UTS2: variants seen among roughly 807,000 people sequenced by gnomAD.
UTS2 encodes the protein urotensin 2.
A neutral mutation model predicts 12.6 loss-of-function variants in UTS2; 10 were observed. The observed-to-expected ratio is 0.80, with a 90% confidence interval of 0.49 to 1.35. The LOEUF (loss-of-function observed/expected upper bound fraction) is 1.35. UTS2 is among the 40% of genes most tolerant of loss of function. UTS2 has a pLI of 0.00. For missense variants in UTS2, 142 were observed against 143.2 expected (o/e 0.99, Z 0.04); for synonymous variants, 52 against 50.0 (o/e 1.04, Z -0.17).
chr1:7,854,854 C>CAAT (rs140765929), upstream of UTS2, among the ~76,000 whole-genome samples: 126 of 151,512 alleles, frequency 8.3e-4, no homozygotes, highest in Admixed American at 1.8e-3. Flanking sequence ...AAACTAATAA[C>CAAT]AATAATAATA....
At chr1:7,871,273 A>G in the UTS2 span, among the ~76,000 whole-genome samples, 1 of 152,222 alleles carries the variant, frequency 6.6e-6, no homozygotes, top group Non-Finnish European at 1.5e-5. Flanking sequence ...ACACAAGGCC[A>G]GCCGTGAGGG....
chr1:7,878,753 C>G, the UTS2 span, among the ~76,000 whole-genome samples: 1 of 151,876 alleles, frequency 6.6e-6, no homozygotes, highest in African/African-American at 2.4e-5. Flanking sequence ...AAAAATGATC[C>G]AACTGCATGA....
chr1:7,868,924 T>C, the UTS2 span, among the ~76,000 whole-genome samples: 1 of 152,130 alleles, frequency 6.6e-6, no homozygotes, highest in Non-Finnish European at 1.5e-5. Context: ...CTCTGCCTTG[T>C]GAGGACACAG....
At chr1:7,849,936 G>A (rs1285978868) in intron 2 of UTS2, among the ~76,000 whole-genome samples, 2 of 150,430 alleles carry the variant, frequency 1.3e-5, no homozygotes, top group Non-Finnish European at 3.0e-5. Context: ...ATGAACTCCT[G>A]TCTATTAAAC....
intron 3 of UTS2, among the ~76,000 whole-genome samples, chr1:7,848,663 G>T (rs183472764): frequency 1.6e-4 from 24 of 152,018 alleles, no homozygotes; most frequent in African/African-American, 5.8e-4. Context: ...GGGATTACAG[G>T]TGCATGCCAC....
chr1:7,897,934 T>A, the UTS2 span, among the ~76,000 whole-genome samples: 1 of 152,160 alleles, frequency 6.6e-6, no homozygotes, highest in African/African-American at 2.4e-5. Flanking sequence ...TGGTAGAGCA[T>A]TCCTAGGTAC....
the UTS2 span, among the ~76,000 whole-genome samples, chr1:7,911,774 G>A: frequency 2.6e-3 from 402 of 152,086 alleles, 4 homozygotes; most frequent in African/African-American, 9.3e-3. Flanking sequence ...GGTGGCAGGT[G>A]CCTGTAATCC....
the UTS2 span, among the ~76,000 whole-genome samples, chr1:7,893,903 G>C: frequency 6.6e-6 from 1 of 152,176 alleles, no homozygotes; most frequent in Non-Finnish European, 1.5e-5. Flanking sequence ...TGCCACAATT[G>C]GGAAATGATA....
chr1:7,873,187 T>C, the UTS2 span, among the ~76,000 whole-genome samples: 1 of 152,212 alleles, frequency 6.6e-6, no homozygotes, highest in Non-Finnish European at 1.5e-5. Flanking sequence ...ACAGTGCACA[T>C]GGTCACTCAA....
upstream of UTS2, among the ~76,000 whole-genome samples, chr1:7,856,877 A>G (rs1638320072): frequency 1.3e-5 from 2 of 152,120 alleles, no homozygotes; most frequent in African/African-American, 4.8e-5. Context: ...CCTGGCCAAT[A>G]TGGTGAAACC....
chr1:7,849,681 AGT>A lies in UTS2; in HGVS notation c.215_216del (p.Asp72ValfsTer7). ...AERGDILRKADSSTNIFNPRG... is the reference protein window; with the variant it reads ...AERGDILRKAXSSTNIFNPRG... Reference sequence around the variant, plus strand: ...CTTGGGTTAAAAATGTTGGTACTTGAGTCTGAAAAACAGTTTTGAAGCCAGTT... The same window carrying A: ...CTTGGGTTAAAAATGTTGGTACTTGACTGAAAAACAGTTTTGAAGCCAGTT... On this transcript the variant is annotated frameshift_variant and splice_region_variant, in exon 3 of 4. Transcript: ENST00000361696. LOFTEE classifies it low-confidence loss of function (END_TRUNC). 6.2e-7 allele frequency: 1 copy of A among 1,609,366 alleles called. No homozygotes were observed. Among genetic ancestry groups the A allele is most frequent in the East Asian group, 2.2e-5 (1 of 44,636 alleles).
chr1:7,888,016 C>A, the UTS2 span, among the ~76,000 whole-genome samples: 2 of 152,078 alleles, frequency 1.3e-5, no homozygotes, highest in African/African-American at 4.8e-5. Flanking sequence ...CTGGCTCTTG[C>A]CTAAGTGGTC....
the UTS2 span, among the ~76,000 whole-genome samples, chr1:7,887,461 T>A: frequency 6.6e-6 from 1 of 151,902 alleles, no homozygotes; most frequent in Non-Finnish European, 1.5e-5. Flanking sequence ...ATGAATGTAA[T>A]CACACATAAC....
At chr1:7,848,936 G>C (rs1007665492) in intron 3 of UTS2, among the ~76,000 whole-genome samples, 3 of 152,122 alleles carry the variant, frequency 2.0e-5, no homozygotes, top group Admixed American at 6.6e-5. Flanking sequence ...TTAAGATGCA[G>C]ATTTTGCTTC....
intron 3 of UTS2, among the ~76,000 whole-genome samples, chr1:7,848,598 G>A (rs1451476887): frequency 6.6e-6 from 1 of 151,814 alleles, no homozygotes; most frequent in Non-Finnish European, 1.5e-5. Context: ...TCCTCTCACT[G>A]CAACCCCCGC....
the UTS2 span, among the ~76,000 whole-genome samples, chr1:7,901,437 G>A: frequency 3.4e-4 from 51 of 152,142 alleles, no homozygotes; most frequent in Non-Finnish European, 1.2e-4. Flanking sequence ...GCTTTATGGA[G>A]GAAAATGTTA....
chr1:7,864,313 C>T, the UTS2 span, among the ~76,000 whole-genome samples: 4 of 152,194 alleles, frequency 2.6e-5, no homozygotes, highest in Non-Finnish European at 4.4e-5. Context: ...CACAACATGG[C>T]GCTTTGTCCT....
the UTS2 span, among the ~76,000 whole-genome samples, chr1:7,906,902 C>T: frequency 6.6e-6 from 1 of 152,110 alleles, no homozygotes; most frequent in Non-Finnish European, 1.5e-5. Flanking sequence ...TCATTGCAAT[C>T]AGAGAGACAC....
the UTS2 span, among the ~76,000 whole-genome samples, chr1:7,866,107 A>G: frequency 6.6e-6 from 1 of 152,202 alleles, no homozygotes; most frequent in African/African-American, 2.4e-5. The surrounding 1 kb of genome is among the most constrained non-coding windows in gnomAD (Gnocchi z 4.5). Flanking sequence ...AGGAACCGTC[A>G]TGGTCGACCA....
Sources: allele counts gnomAD v4.1 joint callset (sites outside exome capture counted in the v4.1 genomes callset), GRCh38; gene constraint gnomAD v4.1.1; non-coding constraint Gnocchi (gnomAD v3.1); transcripts MANE v1.5; gene names NCBI Gene and HGNC (gene_info 2026-07-23, HGNC 2026-07-21).